BCO1: variants seen among roughly 807,000 people sequenced by gnomAD.
The protein encoded by BCO1 is beta,beta-carotene 15,15'-dioxygenase.
Under a neutral mutation model 56.3 loss-of-function variants are expected in BCO1, and 54 were observed. The ratio of observed to expected loss-of-function variants is 0.96; its 90% CI spans 0.77 to 1.20. BCO1 has a LOEUF of 1.20. Ranked by LOEUF, BCO1 falls within the 50% of genes most tolerant of loss-of-function variation. The pLI is 0.00. For synonymous variants in BCO1, 318 were observed against 266.1 expected, an observed-to-expected ratio of 1.20 and a Z score of -1.90; for missense variants, 801 against 690.9, an observed-to-expected ratio of 1.16 and a Z score of -1.79.
chr16:81,278,404 T>A (rs1252833573), intron 7 of BCO1, among the ~76,000 whole-genome samples: 1 of 152,144 alleles, frequency 6.6e-6, no homozygotes, highest in Non-Finnish European at 1.5e-5. Context: ...GCATTTCCTC[T>A]CATTTGATTC....
At chr16:81,286,760 T>C (rs1908203876) in intron 9 of BCO1, among the ~76,000 whole-genome samples, 1 of 152,130 alleles carries the variant, frequency 6.6e-6, no homozygotes, top group Non-Finnish European at 1.5e-5. Context: ...AGCTACGTGG[T>C]GGCCAGAGGA....
intron 2 of BCO1, among the ~76,000 whole-genome samples, chr16:81,246,435 G>A (rs1432711352): frequency 2.6e-5 from 4 of 152,146 alleles, no homozygotes; most frequent in Non-Finnish European, 5.9e-5. Context: ...TTCCTAAAAA[G>A]GAGGCCAAGG....
At chr16:81,264,191 G>C (rs538146553) in intron 4 of BCO1, 2 of 264,204 alleles carry the variant, frequency 7.6e-6, no homozygotes, top group East Asian at 1.8e-4. Context: ...CAATGCAAAA[G>C]GGCAGAATTT....
At position 81,262,225 on chromosome 16, in the gene BCO1, C is replaced by A; in HGVS notation, c.413C>A (p.Thr138Asn). 1.2e-6 allele frequency: 2 copies of A among 1,613,882 alleles called. No homozygotes were observed. Among genetic ancestry groups the A allele is most frequent in the Non-Finnish European group, 1.7e-6 (2 of 1,179,818 alleles). The change falls in exon 4 of 11, where the codon ACC becomes AAC. Residue 138 changes from threonine (T) to asparagine (N), a missense_variant. Transcript: ENST00000258168. ...AAGTGCGGAGAAGACTTCTACGCGACCTCAGAGACCAATTACATCAGGAAA... is the reference window on the plus strand; with the variant it reads ...AAGTGCGGAGAAGACTTCTACGCGAACTCAGAGACCAATTACATCAGGAAA... ...IMKCGEDFYA[T>N]SETNYIRKIN...
chr16:81,279,944 C>G (rs945911618), intron 7 of BCO1, among the ~76,000 whole-genome samples: 1 of 152,130 alleles, frequency 6.6e-6, no homozygotes, highest in Admixed American at 6.6e-5. Flanking sequence ...CCCCCAATCC[C>G]ATCATCTGTT....
At chr16:81,284,030 A>G (rs1026121662) in intron 8 of BCO1, among the ~76,000 whole-genome samples, 3 of 139,838 alleles carry the variant, frequency 2.1e-5, no homozygotes, top group African/African-American at 8.0e-5. Context: ...CTGAAAATAC[A>G]AAAAAAAAAA....
chr16:81,285,038 C>T (rs1908097144), intron 8 of BCO1, among the ~76,000 whole-genome samples: 1 of 151,824 alleles, frequency 6.6e-6, no homozygotes, highest in Non-Finnish European at 1.5e-5. Context: ...GAGGGTTTTG[C>T]CATGTTGGCC....
At chr16:81,259,185 A>C (rs909388245) in intron 2 of BCO1, among the ~76,000 whole-genome samples, 1 of 152,182 alleles carries the variant, frequency 6.6e-6, no homozygotes, top group Admixed American at 6.6e-5. Flanking sequence ...CAGGAGTGAG[A>C]AAATGTGTGT....
At chr16:81,290,305 A>T in intron 10 of BCO1, 43 bp from the exon 11 acceptor site, 1 of 1,507,552 alleles carries the variant, frequency 6.6e-7, no homozygotes, top group Non-Finnish European at 9.2e-7. Flanking sequence ...CTCCGACTGA[A>T]GCCTGCACTT....
chr16:81,277,974 G>A (rs1202146847), intron 7 of BCO1, among the ~76,000 whole-genome samples: 2 of 152,188 alleles, frequency 1.3e-5, no homozygotes, highest in Admixed American at 6.5e-5. Context: ...GCTTAGCAAG[G>A]TACCAGGAAG....
At chr16:81,287,152 T>C (rs1908229890) in intron 9 of BCO1, 143 bp from the exon 10 acceptor site, 1 of 708,844 alleles carries the variant, frequency 1.4e-6, no homozygotes, top group Non-Finnish European at 2.6e-6. Flanking sequence ...TCACCAGAGG[T>C]AGCTGTCATT....
chr16:81,287,217 C>A (rs2150649358), intron 9 of BCO1, 78 bp from the exon 10 acceptor site: 2 of 1,085,816 alleles, frequency 1.8e-6, no homozygotes, highest in Middle Eastern at 2.4e-4. Context: ...CTGTGTGGAT[C>A]TTCATGCACT....
intron 3 of BCO1, among the ~76,000 whole-genome samples, chr16:81,260,485 T>C (rs8050179): frequency 0.031 from 4,732 of 152,218 alleles, 286 homozygotes; most frequent in African/African-American, 0.11. Context: ...GTATATATTT[T>C]ATTTCATTTC....
intron 1 of BCO1, among the ~76,000 whole-genome samples, chr16:81,242,916 T>C (rs2151924436): frequency 6.6e-6 from 1 of 152,148 alleles, no homozygotes. Context: ...GGGATCTAGG[T>C]TGTGCGCTCC....
intron 2 of BCO1, among the ~76,000 whole-genome samples, chr16:81,248,419 A>AG (rs1179192570): frequency 6.6e-6 from 1 of 151,114 alleles, no homozygotes; most frequent in Non-Finnish European, 1.5e-5. Context: ...AAAAAAAAAA[A>AG]AAAAAAATTA....
intron 8 of BCO1, among the ~76,000 whole-genome samples, chr16:81,282,466 G>A (rs1400919403): frequency 6.6e-6 from 1 of 152,172 alleles, no homozygotes; most frequent in Non-Finnish European, 1.5e-5. Context: ...TTGGGCATCT[G>A]GAAGAGCACA....
At chr16:81,261,177 G>A (rs1327247172) in intron 3 of BCO1, among the ~76,000 whole-genome samples, 1 of 152,118 alleles carries the variant, frequency 6.6e-6, no homozygotes, top group African/African-American at 2.4e-5. Context: ...GCAGGATCAC[G>A]AATTTGAAAC....
At chr16:81,264,971 A>G (rs530335630) in intron 5 of BCO1, among the ~76,000 whole-genome samples, 184 bp downstream of exon 5, 1 of 152,302 alleles carries the variant, frequency 6.6e-6, no homozygotes, top group South Asian at 2.1e-4. Flanking sequence ...TTCCTCTTGG[A>G]AGAAAGAAAT....
intron 7 of BCO1, among the ~76,000 whole-genome samples, chr16:81,275,514 A>G (rs1356310308): frequency 2.0e-5 from 3 of 152,118 alleles, no homozygotes; most frequent in African/African-American, 7.3e-5. Flanking sequence ...TCTCAAGTGT[A>G]AGTAACTTGT....
Sources: allele counts gnomAD v4.1 joint callset (sites outside exome capture counted in the v4.1 genomes callset), GRCh38; gene constraint gnomAD v4.1.1; transcripts MANE v1.5; gene names NCBI Gene and HGNC (gene_info 2026-07-23, HGNC 2026-07-21).